CTNND2: variants seen among roughly 807,000 people sequenced by gnomAD.
CTNND2 encodes catenin delta 2.
In CTNND2, 22 loss-of-function variants were observed where a neutral mutation model predicts 144.4. The observed-to-expected ratio is 0.15, with a 90% CI of 0.11 to 0.22. The LOEUF is 0.22. Ranked by LOEUF, CTNND2 falls within the 10% of genes least tolerant of loss-of-function variation. The pLI, the probability that CTNND2 is intolerant of heterozygous loss-of-function variation, is 1.00. For synonymous variants in CTNND2, 751 were observed against 695.6 expected, an observed-to-expected ratio of 1.08 and a Z score of -1.25; for missense variants, 1,353 against 1,618.8, an observed-to-expected ratio of 0.84 and a Z score of 2.82.
intron 12 of CTNND2, among the ~76,000 whole-genome samples, chr5:11,144,457 C>G (rs949610469): frequency 6.6e-6 from 1 of 152,124 alleles, no homozygotes; most frequent in Non-Finnish European, 1.5e-5. Flanking sequence ...AGAGCCTGGT[C>G]TCCCCACTTG....
intron 3 of CTNND2, among the ~76,000 whole-genome samples, chr5:11,543,942 T>A (rs756490458): frequency 2.0e-5 from 3 of 152,070 alleles, no homozygotes; most frequent in Non-Finnish European, 4.4e-5. Flanking sequence ...ATAAATAAGT[T>A]ACAAGGAACA....
intron 3 of CTNND2, among the ~76,000 whole-genome samples, chr5:11,519,008 A>AACAC (rs142163506): frequency 0.059 from 8,652 of 147,628 alleles, 267 homozygotes; most frequent in South Asian, 0.12. Context: ...TCCCTATCTC[A>AACAC]ACACACACAC....
chr5:11,101,291 G>T (rs1324943162), intron 14 of CTNND2, among the ~76,000 whole-genome samples: 1 of 152,180 alleles, frequency 6.6e-6, no homozygotes. Context: ...GCTGTAACAT[G>T]ACTGGACGTA....
intron 3 of CTNND2, among the ~76,000 whole-genome samples, chr5:11,520,298 G>A (rs557105426): frequency 7.2e-4 from 110 of 152,182 alleles, no homozygotes; most frequent in Middle Eastern, 3.4e-3. Flanking sequence ...CTCAATGGTT[G>A]ACTCCAAGTT....
chr5:11,409,331 C>G (rs1761336643), intron 5 of CTNND2, among the ~76,000 whole-genome samples: 1 of 151,956 alleles, frequency 6.6e-6, no homozygotes. Flanking sequence ...CTTCTAGTAG[C>G]TGGTCAATTT....
At chr5:11,698,333 G>C (rs368528906) in intron 2 of CTNND2, among the ~76,000 whole-genome samples, 2 of 150,214 alleles carry the variant, frequency 1.3e-5, no homozygotes, top group African/African-American at 2.5e-5. Context: ...CTGTCGCCCA[G>C]GCTGGAATGC....
At chr5:11,135,585 G>A (rs1458533365) in intron 12 of CTNND2, among the ~76,000 whole-genome samples, 1 of 152,084 alleles carries the variant, frequency 6.6e-6, no homozygotes, top group Non-Finnish European at 1.5e-5. Context: ...GACATACACT[G>A]TATTATTTTA....
At chr5:11,773,078 T>C (rs1437199772) in intron 1 of CTNND2, among the ~76,000 whole-genome samples, 1 of 152,208 alleles carries the variant, frequency 6.6e-6, no homozygotes, top group African/African-American at 2.4e-5. Flanking sequence ...ACAGTTACTG[T>C]CAGCCATGAA....
intron 3 of CTNND2, among the ~76,000 whole-genome samples, chr5:11,440,195 C>T (rs1402174679): frequency 6.6e-6 from 1 of 152,138 alleles, no homozygotes; most frequent in Admixed American, 6.5e-5. Context: ...TTTTCATCTC[C>T]ACCTATTCTC....
At chr5:11,863,537 A>C (rs977954130) in intron 1 of CTNND2, among the ~76,000 whole-genome samples, 13 of 152,164 alleles carry the variant, frequency 8.5e-5, no homozygotes, top group African/African-American at 3.1e-4. Flanking sequence ...ATGCTTGGAT[A>C]TGTGTTACAT....
At chr5:11,653,444 G>A (rs551132134) in intron 2 of CTNND2, among the ~76,000 whole-genome samples, 1 of 152,050 alleles carries the variant, frequency 6.6e-6, no homozygotes, top group African/African-American at 2.4e-5. Context: ...GATGTGAGGT[G>A]GTATCTCATC....
intron 1 of CTNND2, among the ~76,000 whole-genome samples, chr5:11,791,309 G>C (rs1791125074): frequency 6.6e-6 from 1 of 152,186 alleles, no homozygotes; most frequent in Non-Finnish European, 1.5e-5. Context: ...TCATGGATCA[G>C]AGCCATGAAA....
At chr5:11,501,377 C>T (rs1770507665) in intron 3 of CTNND2, among the ~76,000 whole-genome samples, 1 of 152,078 alleles carries the variant, frequency 6.6e-6, no homozygotes, top group Non-Finnish European at 1.5e-5. Context: ...CATTCCAGAA[C>T]TGTGTACTCC....
chr5:11,328,962 G>T (rs2149712445), intron 9 of CTNND2, among the ~76,000 whole-genome samples: 1 of 152,304 alleles, frequency 6.6e-6, no homozygotes, highest in Admixed American at 6.5e-5. Flanking sequence ...GAGGCTGGAA[G>T]TCCAAGATCC....
intron 9 of CTNND2, among the ~76,000 whole-genome samples, chr5:11,321,721 C>G (rs1056574635): frequency 2.0e-5 from 3 of 152,014 alleles, no homozygotes; most frequent in Admixed American, 1.3e-4. Flanking sequence ...ATATGCACCA[C>G]ACACACACAT....
At position 11,152,500 on chromosome 5, in the gene CTNND2, G is replaced by A. The variant is rs576843295; in HGVS notation, c.2159+7076C>T. The stretch of plus-strand genomic sequence containing the variant: ...AAGTGCGCCCTATGGTGTTTACGGC[G>A]TTTCCATAAGAATGAAATGGACTCA... On this transcript the variant is annotated intron_variant, in intron 12 of 21. Coordinates refer to ENST00000304623, the MANE Select transcript of CTNND2 (RefSeq NM_001332.4). Among the ~76,000 whole-genome samples, 18 of 152,248 alleles carry A rather than the reference G, an allele frequency of 1.2e-4. No individual in the cohort carries two copies. The South Asian group carries it at 2.9e-3, about 25-fold the overall frequency.
At chr5:11,581,285 T>C (rs543496707) in intron 2 of CTNND2, among the ~76,000 whole-genome samples, 4 of 151,686 alleles carry the variant, frequency 2.6e-5, no homozygotes, top group Admixed American at 2.0e-4. Context: ...CAGCGTTTTA[T>C]GTTCTTCTTG....
chr5:11,249,848 G>C (rs1471819759), intron 9 of CTNND2, among the ~76,000 whole-genome samples: 1 of 150,202 alleles, frequency 6.7e-6, no homozygotes, highest in Non-Finnish European at 1.5e-5. Context: ...TAGTGTCCAT[G>C]TCAAAAAAAA....
chr5:11,743,085 T>C (rs1788106540), intron 1 of CTNND2, among the ~76,000 whole-genome samples: 1 of 152,216 alleles, frequency 6.6e-6, no homozygotes, highest in Non-Finnish European at 1.5e-5. Context: ...AACAATATAG[T>C]AATAGTTGTC....
Sources: allele counts gnomAD v4.1 joint callset (sites outside exome capture counted in the v4.1 genomes callset), GRCh38; gene constraint gnomAD v4.1.1; transcripts MANE v1.5; gene names NCBI Gene and HGNC (gene_info 2026-07-23, HGNC 2026-07-21).